SRGAP3: variants seen among roughly 807,000 people sequenced by gnomAD.
SRGAP3 encodes SLIT-ROBO Rho GTPase activating protein 3.
Under a neutral mutation model 121.1 loss-of-function variants are expected in SRGAP3, and 39 were observed. The observed-to-expected ratio is 0.32, with a 90% confidence interval of 0.25 to 0.42. The LOEUF (loss-of-function observed/expected upper bound fraction) is 0.42, where lower values mean the gene tolerates loss of function less well. Ranked by LOEUF, SRGAP3 falls within the 10% of genes least tolerant of loss-of-function variation. The pLI, the probability that SRGAP3 is intolerant of heterozygous loss-of-function variation, is 1.00. For synonymous variants in SRGAP3, 601 were observed against 570.0 expected (o/e 1.05, Z -0.77); for missense variants, 1,213 against 1,470.6 (o/e 0.82, Z 2.86).
At position 9,204,741 on chromosome 3, in the gene SRGAP3, G is replaced by A. The variant is rs113891418; in HGVS notation, c.67+44144C>T. Among the ~76,000 whole-genome samples, 26 of 152,238 alleles carry A rather than the reference G, an allele frequency of 1.7e-4. No homozygotes were observed. In the South Asian group the frequency reaches 1.9e-3, roughly 11 times the overall value. On this transcript the variant is annotated intron_variant, in intron 1 of 21. Transcript: ENST00000383836. ...TAGCGATACACAGAAGGCGTAAGCC[G>A]GGCAATCACAGGCCCTCCCTACCCC...
intron 12 of SRGAP3, chr3:9,028,224 C>T (rs759206738): frequency 1.4e-4 from 212 of 1,542,746 alleles, no homozygotes; most frequent in Non-Finnish European, 1.8e-4. Context: ...CCTTCAGAGT[C>T]CGTGAACGCC....
At chr3:9,131,314 G>A (rs1949435977) in intron 1 of SRGAP3, among the ~76,000 whole-genome samples, 1 of 152,012 alleles carries the variant, frequency 6.6e-6, no homozygotes, top group Admixed American at 6.6e-5. Flanking sequence ...GAAAGGGGTT[G>A]GAAAGAGGGA....
intron 1 of SRGAP3, among the ~76,000 whole-genome samples, chr3:9,146,956 C>A (rs1261756958): frequency 6.6e-6 from 1 of 152,264 alleles, no homozygotes; most frequent in East Asian, 1.9e-4. Context: ...CAGAAATGGA[C>A]CCCCTCCACG....
At chr3:9,141,588 G>A (rs1433779749) in intron 1 of SRGAP3, among the ~76,000 whole-genome samples, 2 of 151,344 alleles carry the variant, frequency 1.3e-5, no homozygotes, top group Non-Finnish European at 2.9e-5. Flanking sequence ...GTGTGTGTGT[G>A]TGTGTGTGTG....
At chr3:9,303,980 G>T (rs1208309299) in intron 3 of SRGAP3, among the ~76,000 whole-genome samples, 2 of 152,118 alleles carry the variant, frequency 1.3e-5, no homozygotes, top group Non-Finnish European at 2.9e-5. Flanking sequence ...GTACAACGGG[G>T]GAAATCTAGG....
At chr3:9,345,174 G>T (rs1955860811) in intron 1 of SRGAP3, among the ~76,000 whole-genome samples, 1 of 152,176 alleles carries the variant, frequency 6.6e-6, no homozygotes, top group Non-Finnish European at 1.5e-5. Flanking sequence ...CTCAAAGACT[G>T]GGAGAACTGT....
chr3:9,183,793 C>T (rs1281037744), intron 1 of SRGAP3, among the ~76,000 whole-genome samples: 1 of 149,898 alleles, frequency 6.7e-6, no homozygotes, highest in Non-Finnish European at 1.5e-5. Context: ...CACACACACA[C>T]ACACACTGTA....
chr3:9,013,656 C>T, intron 16 of SRGAP3, 81 bp downstream of exon 16: 1 of 1,567,566 alleles, frequency 6.4e-7, no homozygotes, highest in Non-Finnish European at 8.8e-7. Context: ...TTAAAAACAG[C>T]ATCTGCAAAA....
At chr3:9,037,724 C>T in intron 11 of SRGAP3, 3 of 405,654 alleles carry the variant, frequency 7.4e-6, no homozygotes, top group Non-Finnish European at 1.4e-5. Flanking sequence ...CAACAGCCAC[C>T]CCACAGCCTC....
chr3:9,145,089 GTTTATTTA>G (rs369462537), intron 1 of SRGAP3, among the ~76,000 whole-genome samples: 2 of 151,712 alleles, frequency 1.3e-5, no homozygotes, highest in Admixed American at 6.6e-5. Flanking sequence ...TCTCTCTGTT[GTTTATTTA>G]TTTATTTATT....
At chr3:9,026,814 C>T in intron 13 of SRGAP3, 121 bp downstream of exon 13, 1 of 1,108,486 alleles carries the variant, frequency 9.0e-7, no homozygotes. Flanking sequence ...GTACTTTCCC[C>T]CTCCAAAGCA....
chr3:9,074,870 A>T (rs541771732), intron 4 of SRGAP3, among the ~76,000 whole-genome samples: 1 of 152,240 alleles, frequency 6.6e-6, no homozygotes, highest in South Asian at 2.1e-4. Context: ...GTATGAATGG[A>T]CACTCCTCAG....
intron 9 of SRGAP3, among the ~76,000 whole-genome samples, chr3:9,050,131 G>A (rs1434579349): frequency 2.0e-5 from 3 of 152,182 alleles, no homozygotes; most frequent in African/African-American, 4.8e-5. Context: ...GAGCCACTGC[G>A]CCTGGCTGAG....
chr3:8,985,331 G>T lies in SRGAP3; in HGVS notation c.*188C>A. The T allele has an allele frequency of 7.7e-7, 1 of 1,291,404 alleles. No homozygotes were observed. The highest frequency in any genetic ancestry group is 1.0e-6 in the Non-Finnish European group (1 of 978,712). The allele number at this position is 1,291,404 out of a possible 1,614,324, so 80.0% of individuals were successfully genotyped here. On this transcript the variant is annotated 3_prime_UTR_variant, in exon 22 of 22. Transcript: ENST00000383836. The surrounding 1 kb of genome is among the most constrained non-coding windows in gnomAD (Gnocchi z 5.1). Reference sequence around the variant, plus strand: ...TCGTCTGTTGACACGCGAGAGGTCCGTGGGATTCCCATGGCTGGACGTGAG... The same window carrying T: ...TCGTCTGTTGACACGCGAGAGGTCCTTGGGATTCCCATGGCTGGACGTGAG...
intron 3 of SRGAP3, among the ~76,000 whole-genome samples, chr3:9,303,805 C>G (rs1000293223): frequency 6.6e-6 from 1 of 152,182 alleles, no homozygotes; most frequent in African/African-American, 2.4e-5. Flanking sequence ...CACACAACAG[C>G]CTGTTAAGAT....
At chr3:9,147,965 C>T (rs1950080425) in intron 1 of SRGAP3, among the ~76,000 whole-genome samples, 1 of 152,192 alleles carries the variant, frequency 6.6e-6, no homozygotes. Context: ...GAATAAAAGG[C>T]ATTAAGCCTC....
intron 1 of SRGAP3, among the ~76,000 whole-genome samples, chr3:9,223,683 C>G (rs1025147536): frequency 1.3e-5 from 2 of 152,128 alleles, no homozygotes; most frequent in African/African-American, 4.8e-5. Context: ...CCCCTTCATC[C>G]CAGCCACTCA....
rs527722412 is a variant in SRGAP3 at position 9,044,694 on chromosome 3, C to T, written c.1408+2697G>A. ...AAAAAGGCCACTGACGCAGCTGTAA[C>T]GCTACCCTACTCTTAGAAGAGAATC... On this transcript the variant is annotated intron_variant, in intron 10 of 21. Transcript: ENST00000383836. Among the ~76,000 whole-genome samples the T allele has an allele frequency of 7.2e-5, 11 of 152,172 alleles. No homozygotes were observed. In the East Asian group the frequency reaches 9.6e-4, roughly 13 times the overall value.
At chr3:8,989,839 C>T (rs1941934160) in intron 21 of SRGAP3, among the ~76,000 whole-genome samples, 1 of 152,246 alleles carries the variant, frequency 6.6e-6, no homozygotes, top group Non-Finnish European at 1.5e-5. Flanking sequence ...ACATTCTTCT[C>T]TTGCAGCTTC....
Sources: allele counts gnomAD v4.1 joint callset (sites outside exome capture counted in the v4.1 genomes callset), GRCh38; gene constraint gnomAD v4.1.1; non-coding constraint Gnocchi (gnomAD v3.1); transcripts MANE v1.5; gene names NCBI Gene and HGNC (gene_info 2026-07-23, HGNC 2026-07-21).